MYO18A: variants seen among roughly 807,000 people sequenced by gnomAD.
MYO18A encodes the protein unconventional myosin-XVIIIa.
A neutral mutation model predicts 235.8 loss-of-function variants in MYO18A; 78 were observed. The observed-to-expected ratio is 0.33, with a 90% CI of 0.28 to 0.40. The LOEUF is 0.40. MYO18A is among the 10% of genes least tolerant of loss of function. The pLI is 1.00. For missense variants in MYO18A, 2,215 were observed against 2,699.3 expected (o/e 0.82, Z 3.98); for synonymous variants, 977 against 1,077.8 (o/e 0.91, Z 1.83).
In MYO18A at chr17:29,087,072, C is replaced by G; in HGVS notation, c.5576G>C (p.Arg1859Pro). 1 of 1,613,960 alleles carries G rather than the reference C, an allele frequency of 6.2e-7. No individual in the cohort carries two copies. The highest frequency in any genetic ancestry group is 1.1e-5 in the South Asian group (1 of 91,086). Residue 1859 changes from arginine (R) to proline (P), a missense_variant, in exon 38 of 42, where the codon CGG becomes CCG. By Grantham distance (103) the Arg-to-Pro change is moderately radical (BLOSUM62 -2). Coordinates refer to ENST00000527372, the MANE Select transcript of MYO18A (RefSeq NM_078471.4). The stretch of plus-strand genomic sequence containing the variant: ...GTTCTCGGCTGCAATGCGCTGATCC[C>G]GCTCCTCAGTCAGCTTCTCCATGTT... ...KENMEKLTEERDQRIAAENRE... is the reference protein window; with the variant it reads ...KENMEKLTEEPDQRIAAENRE...
chr17:29,123,699 G>A (rs543706814), intron 2 of MYO18A, among the ~76,000 whole-genome samples: 1 of 152,334 alleles, frequency 6.6e-6, no homozygotes, highest in Admixed American at 6.5e-5. Flanking sequence ...CCACATTTTG[G>A]TGTGTTAAGT....
intron 41 of MYO18A, among the ~76,000 whole-genome samples, chr17:29,081,983 C>A (rs1164153940): frequency 6.6e-6 from 1 of 152,198 alleles, no homozygotes; most frequent in Non-Finnish European, 1.5e-5. Flanking sequence ...TAAGAGTCCC[C>A]TGTGCCCCAT....
At chr17:29,176,197 A>AG (rs1287786219) in intron 1 of MYO18A, among the ~76,000 whole-genome samples, 1 of 152,198 alleles carries the variant, frequency 6.6e-6, no homozygotes, top group Non-Finnish European at 1.5e-5. Context: ...AGACTAAAAA[A>AG]AAATGGACAA....
intron 2 of MYO18A, among the ~76,000 whole-genome samples, chr17:29,133,531 C>A (rs1179304134): frequency 1.3e-5 from 2 of 152,126 alleles, no homozygotes; most frequent in African/African-American, 4.8e-5. Flanking sequence ...AGGGGTTAAC[C>A]CAGAGGGACA....
At chr17:29,145,808 C>A (rs1440580854) in intron 2 of MYO18A, among the ~76,000 whole-genome samples, 1 of 152,152 alleles carries the variant, frequency 6.6e-6, no homozygotes, top group Admixed American at 6.5e-5. Flanking sequence ...CAATAACAGT[C>A]TAGGGAAGTT....
chr17:29,121,922 C>G lies in MYO18A; in HGVS notation c.1123G>C (p.Glu375Gln). The stretch of plus-strand genomic sequence containing the variant: ...TCCAGCTTCACACGCACCTTCCCCT[C>G]AGGCAAGTTGAGCTCCTCAGATTTG... ...QLKSEELNLP[E>Q]GKVRVKLDHD... Residue 375 changes from glutamate to glutamine, a missense_variant, in exon 4 of 42, where the codon GAG becomes CAG. Transcript: ENST00000527372. The surrounding 1 kb of genome is among the most constrained non-coding windows in gnomAD (Gnocchi z 4.2). 1 of 1,613,952 alleles carries G rather than the reference C, an allele frequency of 6.2e-7. No individual in the cohort carries two copies. Among genetic ancestry groups the G allele is most frequent in the South Asian group, 1.1e-5 (1 of 91,086 alleles).
chr17:29,130,034 C>T (rs774005797), intron 2 of MYO18A, among the ~76,000 whole-genome samples: 5 of 152,138 alleles, frequency 3.3e-5, no homozygotes, highest in East Asian at 1.9e-4. Context: ...TGGTGGCTCA[C>T]GCCTGTAATC....
At chr17:29,101,363 T>C (rs1048980862) in intron 21 of MYO18A, among the ~76,000 whole-genome samples, 3 of 152,100 alleles carry the variant, frequency 2.0e-5, no homozygotes, top group African/African-American at 7.2e-5. Flanking sequence ...TGGAATGCAA[T>C]GGTGCAATCT....
intron 33 of MYO18A, among the ~76,000 whole-genome samples, 167 bp from the exon 34 acceptor site, chr17:29,092,623 G>A (rs1331060631): frequency 3.9e-5 from 6 of 152,146 alleles, no homozygotes; most frequent in Admixed American, 3.3e-4. Flanking sequence ...ATCTCCTCCC[G>A]TGACATGGCT....
At chr17:29,172,761 C>A (rs1006043675) in intron 1 of MYO18A, among the ~76,000 whole-genome samples, 14 of 152,014 alleles carry the variant, frequency 9.2e-5, no homozygotes, top group Admixed American at 7.2e-4. Context: ...AAGTAAAGCC[C>A]AAAGAAGTGA....
Position 29,158,243 on chromosome 17 carries a change from C to T in MYO18A, c.999+7699G>A, listed in dbSNP as rs2068100743. 6.6e-6 allele frequency among the ~76,000 whole-genome samples: 1 copy of T among 152,214 alleles called. No homozygotes were observed. Among genetic ancestry groups the T allele is most frequent in the African/African-American group, 2.4e-5 (1 of 41,450 alleles). ...CCAGAGTCTGTGCAAAGCAACCGGG[C>T]TGAGTCGCACCAGGGCAGAACACCA... On this transcript the variant is annotated intron_variant, in intron 2 of 41. Transcript: ENST00000527372. The surrounding 1 kb of genome is among the most constrained non-coding windows in gnomAD (Gnocchi z 4.3).
At chr17:29,161,708 C>A (rs372064323) in intron 2 of MYO18A, among the ~76,000 whole-genome samples, 1 of 152,108 alleles carries the variant, frequency 6.6e-6, no homozygotes, top group African/African-American at 2.4e-5. Flanking sequence ...TAGAATGGAC[C>A]GACTGAGGAT....
At position 29,159,478 on chromosome 17, in the gene MYO18A, C is replaced by CA. The variant is rs201756176; in HGVS notation, c.999+6463dup. Among the ~76,000 whole-genome samples, 634 of 151,716 alleles carry CA rather than the reference C, an allele frequency of 4.2e-3. 7 individuals carry two copies. Among genetic ancestry groups the CA allele is most frequent in the South Asian group, 0.024 (113 of 4,800 alleles). On this transcript the variant is annotated intron_variant, in intron 2 of 41. Coordinates refer to ENST00000527372, the MANE Select transcript of MYO18A (RefSeq NM_078471.4). Reference sequence around the variant, plus strand: ...GTTTTTAAAAACAAAACAAAACAAACAAAAAAAACAGAAACAGAAACCAAA... The same window carrying CA: ...GTTTTTAAAAACAAAACAAAACAAACAAAAAAAAACAGAAACAGAAACCAAA...
At chr17:29,133,896 T>C in intron 2 of MYO18A, 2 of 1,283,324 alleles carry the variant, frequency 1.6e-6, no homozygotes, top group African/African-American at 1.5e-5. Context: ...GGTCTCTCAG[T>C]GTCTCTGAGT....
At chr17:29,114,836 C>G in intron 14 of MYO18A, 71 bp downstream of exon 14, 1 of 1,495,948 alleles carries the variant, frequency 6.7e-7, no homozygotes, top group Non-Finnish European at 9.1e-7. Flanking sequence ...CCTTCTGCAT[C>G]CACAGATGCC....
In MYO18A at chr17:29,166,552, T is replaced by G; in HGVS notation, c.389A>C (p.Gln130Pro). The G allele has an allele frequency of 6.2e-7, 1 of 1,613,798 alleles. No homozygotes were observed. The highest frequency in any genetic ancestry group is 8.5e-7 in the Non-Finnish European group (1 of 1,179,874). Reference protein sequence around the residue: ...RAAKFGSLAKQNSQMIVKRFS... With the variant: ...RAAKFGSLAKPNSQMIVKRFS... ...GCGCTTGACAATCATCTGTGAGTTCTGCTTGGCCAGTGAGCCGAACTTGGC... is the reference window on the plus strand; with the variant it reads ...GCGCTTGACAATCATCTGTGAGTTCGGCTTGGCCAGTGAGCCGAACTTGGC... The change falls in exon 2 of 42, where the codon CAG (glutamine) becomes CCG (proline). Residue 130 changes from glutamine (Q) to proline (P), a missense_variant. Coordinates refer to ENST00000527372, the MANE Select transcript of MYO18A (RefSeq NM_078471.4).
intron 26 of MYO18A, 54 bp from the exon 27 acceptor site, chr17:29,097,404 G>T: frequency 6.3e-7 from 1 of 1,593,382 alleles, no homozygotes; most frequent in Non-Finnish European, 8.5e-7. Flanking sequence ...TCCCCAGAAG[G>T]GGCAGAGGGG....
chr17:29,103,576 T>C, intron 21 of MYO18A, 23 bp downstream of exon 21: 2 of 1,613,416 alleles, frequency 1.2e-6, no homozygotes, highest in Non-Finnish European at 1.7e-6. Flanking sequence ...GAGGCCCGAC[T>C]GCCCTCCTGT....
At position 29,089,958 on chromosome 17, in the gene MYO18A, C is replaced by T. The variant is rs372792587; in HGVS notation, c.5526+3G>A. The T allele has an allele frequency of 9.9e-6, 16 of 1,613,894 alleles. No homozygotes were observed. In the African/African-American group the frequency reaches 1.7e-4, roughly 17 times the overall value. On this transcript the variant is annotated splice_donor_region_variant and intron_variant, in intron 37 of 41. Coordinates refer to ENST00000527372, the MANE Select transcript of MYO18A (RefSeq NM_078471.4). The stretch of plus-strand genomic sequence containing the variant: ...GTGTGGCCCGGGAGAAGTGTGAACC[C>T]ACCTCCAGCCGTTTCACTTGCGTCC...
Sources: allele counts gnomAD v4.1 joint callset (sites outside exome capture counted in the v4.1 genomes callset), GRCh38; gene constraint gnomAD v4.1.1; non-coding constraint Gnocchi (gnomAD v3.1); transcripts MANE v1.5; gene names NCBI Gene and HGNC (gene_info 2026-07-23, HGNC 2026-07-21).